The following AHCYL2 variants were observed in gnomAD, a reference collection of about 807,000 sequenced individuals.
AHCYL2 encodes the protein adenosylhomocysteinase like 2.
In AHCYL2, 28 loss-of-function variants were observed where a neutral mutation model predicts 81.4. The observed-to-expected ratio is 0.34, with a 90% confidence interval of 0.25 to 0.47. The LOEUF is 0.47. Ranked by LOEUF, AHCYL2 falls within the 20% of genes least tolerant of loss-of-function variation. The pLI is 1.00. For synonymous variants in AHCYL2, 272 were observed against 290.2 expected (o/e 0.94, Z 0.64); for missense variants, 551 against 785.1 (o/e 0.70, Z 3.56).
chr7:129,401,008 AGCAC>A (rs754973737), intron 6 of AHCYL2, among the ~76,000 whole-genome samples: 1 of 152,082 alleles, frequency 6.6e-6, no homozygotes, highest in East Asian at 1.9e-4. Flanking sequence ...GAAGCCTCAT[AGCAC>A]ATTAGATTTG....
chr7:129,405,325 C>T (rs1474794696), intron 8 of AHCYL2, 112 bp downstream of exon 8: 3 of 579,412 alleles, frequency 5.2e-6, no homozygotes, highest in Non-Finnish European at 5.8e-6. Context: ...ATAATGTCTC[C>T]ATAAAGCCAG....
At chr7:129,318,704 G>T (rs915191035) in intron 1 of AHCYL2, among the ~76,000 whole-genome samples, 3 of 151,588 alleles carry the variant, frequency 2.0e-5, no homozygotes, top group African/African-American at 7.3e-5. Flanking sequence ...AGTACTAAAA[G>T]AAACCATGGG....
chr7:129,367,149 A>G (rs1325366295), intron 1 of AHCYL2, among the ~76,000 whole-genome samples: 1 of 152,202 alleles, frequency 6.6e-6, no homozygotes, highest in African/African-American at 2.4e-5. Flanking sequence ...AAGCAGTTCC[A>G]GCTTGACTTT....
At chr7:129,400,577 T>A (rs1473189898) in intron 6 of AHCYL2, among the ~76,000 whole-genome samples, 193 bp downstream of exon 6, 4 of 152,190 alleles carry the variant, frequency 2.6e-5, no homozygotes, top group Non-Finnish European at 5.9e-5. Flanking sequence ...TCTTATAACC[T>A]CAGAGTGCCT....
intron 1 of AHCYL2, among the ~76,000 whole-genome samples, chr7:129,249,229 C>T (rs1364424782): frequency 6.6e-6 from 1 of 152,044 alleles, no homozygotes; most frequent in African/African-American, 2.4e-5. Flanking sequence ...AACTCCTAGA[C>T]TCAAGCAACC....
At chr7:129,409,333 G>A in intron 10 of AHCYL2, 143 bp from the exon 11 acceptor site, 1 of 580,338 alleles carries the variant, frequency 1.7e-6, no homozygotes, top group Non-Finnish European at 3.0e-6. Flanking sequence ...ATGAACTAAG[G>A]AAATTGTTTG....
chr7:129,386,097 G>T (rs2150898944), intron 2 of AHCYL2, among the ~76,000 whole-genome samples: 1 of 152,308 alleles, frequency 6.6e-6, no homozygotes, highest in South Asian at 2.1e-4. Context: ...TGTCAGCCAT[G>T]TCGTATCCAC....
In AHCYL2 at chr7:129,418,448, C is replaced by T. The variant is rs375217127; in HGVS notation, c.1462-4392C>T. On this transcript the variant is annotated intron_variant, in intron 12 of 16. Transcript: ENST00000325006. ...CTGAGTAGCTGGGACTACAGGCGCC[C>T]GCCACCACGCCTGGCAGATTTTTTG... Among the ~76,000 whole-genome samples the T allele has an allele frequency of 7.9e-5, 12 of 152,140 alleles. No homozygotes were observed. In the South Asian group the frequency reaches 2.5e-3, roughly 32 times the overall value.
intron 4 of AHCYL2, among the ~76,000 whole-genome samples, chr7:129,394,958 C>T (rs893241974): frequency 8.6e-5 from 13 of 151,664 alleles, no homozygotes; most frequent in African/African-American, 2.9e-4. Flanking sequence ...ACATCTGGCT[C>T]ATCTGAGAGC....
At chr7:129,396,281 C>A (rs1481552871) in intron 4 of AHCYL2, among the ~76,000 whole-genome samples, 2 of 152,110 alleles carry the variant, frequency 1.3e-5, no homozygotes, top group South Asian at 2.1e-4. Flanking sequence ...CGCTACCACA[C>A]CCGGCTAATT....
intron 1 of AHCYL2, among the ~76,000 whole-genome samples, chr7:129,321,772 G>GTTTT (rs1217148394): frequency 8.7e-6 from 1 of 114,408 alleles, no homozygotes; most frequent in Non-Finnish European, 1.8e-5. Flanking sequence ...TTTGGTCTTG[G>GTTTT]TTTTGTTTTT....
At chr7:129,362,054 ACT>A (rs1793948083) in intron 1 of AHCYL2, among the ~76,000 whole-genome samples, 1 of 151,880 alleles carries the variant, frequency 6.6e-6, no homozygotes, top group East Asian at 1.9e-4. Context: ...GTTGAGTACT[ACT>A]CTGCTCTATC....
At chr7:129,354,929 A>G (rs1793687447) in intron 1 of AHCYL2, among the ~76,000 whole-genome samples, 1 of 152,172 alleles carries the variant, frequency 6.6e-6, no homozygotes, top group South Asian at 2.1e-4. Context: ...GTCAGTCCTC[A>G]TTATTTTCAG....
In AHCYL2 at chr7:129,225,072, C is replaced by A; in HGVS notation, c.-5C>A. 6.3e-7 allele frequency: 1 copy of A among 1,585,972 alleles called. No homozygotes were observed. On this transcript the variant is annotated 5_prime_UTR_variant, in exon 1 of 17. Transcript: ENST00000325006. ...TCTGAGCCGGTGGTTGCAGCGGAGG[C>A]GGTGATGTCGGTGCAGGTTGTGTCA...
At chr7:129,382,483 C>T (rs1396357811) in intron 2 of AHCYL2, among the ~76,000 whole-genome samples, 1 of 152,154 alleles carries the variant, frequency 6.6e-6, no homozygotes, top group Non-Finnish European at 1.5e-5. Context: ...GCCTGTAATC[C>T]CAGCTACTCC....
At chr7:129,231,217 C>T (rs189131979) in intron 1 of AHCYL2, among the ~76,000 whole-genome samples, 166 of 151,330 alleles carry the variant, frequency 1.1e-3, no homozygotes, top group African/African-American at 3.5e-3. Context: ...TTCAGCCTGG[C>T]GACAGAATGA....
At chr7:129,350,601 G>A (rs1026428471) in intron 1 of AHCYL2, among the ~76,000 whole-genome samples, 1 of 151,856 alleles carries the variant, frequency 6.6e-6, no homozygotes, top group Admixed American at 6.6e-5. Flanking sequence ...TGGCCAGGCT[G>A]GTCTCGAACT....
intron 1 of AHCYL2, among the ~76,000 whole-genome samples, chr7:129,365,212 T>TGA (rs1794063430): frequency 6.6e-6 from 1 of 152,122 alleles, no homozygotes; most frequent in Admixed American, 6.5e-5. Context: ...GAGATTCCTT[T>TGA]TTTAAGGTCA....
At chr7:129,411,297 A>G (rs1796561778) in intron 11 of AHCYL2, among the ~76,000 whole-genome samples, 1 of 152,078 alleles carries the variant, frequency 6.6e-6, no homozygotes, top group South Asian at 2.1e-4. Flanking sequence ...TCGAATTTTT[A>G]TCACCCCAAA....
Sources: allele counts gnomAD v4.1 joint callset (sites outside exome capture counted in the v4.1 genomes callset), GRCh38; gene constraint gnomAD v4.1.1; transcripts MANE v1.5; gene names NCBI Gene and HGNC (gene_info 2026-07-23, HGNC 2026-07-21).